The following ACTR3C variants were observed in gnomAD, a reference collection of about 807,000 sequenced individuals.
ACTR3C encodes actin-related protein 3C.
In ACTR3C, 18 loss-of-function variants were observed where a neutral mutation model predicts 26.3. That is an observed-to-expected ratio of 0.68 (90% CI 0.47 to 1.01). ACTR3C has a LOEUF of 1.01. Ranked by LOEUF, ACTR3C falls within the 50% of genes least tolerant of loss-of-function variation. The probability of loss-of-function intolerance (pLI) is 0.00; values close to 1 mark genes in which losing one functional copy is unlikely to be tolerated. For missense variants in ACTR3C, 184 were observed against 250.7 expected (o/e 0.73, Z 1.80); for synonymous variants, 55 against 94.5 (o/e 0.58, Z 2.42).
At chr7:150,067,789 G>A in the ACTR3C span, among the ~76,000 whole-genome samples, 1 of 147,048 alleles carries the variant, frequency 6.8e-6, no homozygotes, top group African/African-American at 2.5e-5. Flanking sequence ...ACACAACAAG[G>A]GGGTGGTGGG....
the ACTR3C span, among the ~76,000 whole-genome samples, chr7:150,207,228 T>TA: frequency 1.3e-5 from 2 of 152,210 alleles, no homozygotes; most frequent in Non-Finnish European, 2.9e-5. Context: ...CTTTCCTACC[T>TA]AAACCACACT....
At chr7:149,915,723 T>C in the ACTR3C span, among the ~76,000 whole-genome samples, 2 of 150,926 alleles carry the variant, frequency 1.3e-5, no homozygotes, top group Admixed American at 1.3e-4. Context: ...ACATTAGCTA[T>C]CAAAAATTTT....
Position 150,279,839 on chromosome 7 carries a change from A to G in ACTR3C, c.564+4914T>C, listed in dbSNP as rs183791692. ...TTCACTTTAATGACATTTAGCTTGT[A>G]GTGGTTCCCATTAGAGTTATTTCCG... On this transcript the variant is annotated intron_variant, in intron 6 of 7. Coordinates refer to ENST00000683684, the MANE Select transcript of ACTR3C (RefSeq NM_001164458.2). Among the ~76,000 whole-genome samples the G allele has an allele frequency of 1.1e-3, 164 of 152,342 alleles. 2 individuals are homozygous for G. In the East Asian group the frequency reaches 0.029, roughly 26 times the overall value.
chr7:150,091,865 G>T, the ACTR3C span, among the ~76,000 whole-genome samples: 1 of 150,552 alleles, frequency 6.6e-6, no homozygotes, highest in African/African-American at 2.4e-5. Flanking sequence ...GCGGGCGCCT[G>T]TAGTCCCAGC....
At chr7:149,892,428 C>T in the ACTR3C span, 4 of 1,570,230 alleles carry the variant, frequency 2.5e-6, no homozygotes, top group East Asian at 2.3e-5. Context: ...ACACAGATTT[C>T]TATCACTATC....
chr7:150,150,842 A>G, the ACTR3C span, among the ~76,000 whole-genome samples: 1 of 136,442 alleles, frequency 7.3e-6, no homozygotes, highest in Non-Finnish European at 1.6e-5. Flanking sequence ...ACTGTTACAA[A>G]TAGGAGAGCA....
At chr7:150,067,304 G>A in the ACTR3C span, among the ~76,000 whole-genome samples, 2 of 152,214 alleles carry the variant, frequency 1.3e-5, no homozygotes, top group Admixed American at 6.5e-5. Context: ...CAGAACGCAA[G>A]TGTCTTCTCC....
At chr7:149,926,211 A>T in the ACTR3C span, among the ~76,000 whole-genome samples, 5 of 152,236 alleles carry the variant, frequency 3.3e-5, no homozygotes, top group African/African-American at 1.2e-4. Context: ...ATGGTAAAAG[A>T]CAAATGATAA....
the ACTR3C span, among the ~76,000 whole-genome samples, chr7:150,057,800 T>C: frequency 6.6e-6 from 1 of 152,240 alleles, no homozygotes; most frequent in Non-Finnish European, 1.5e-5. Context: ...CACCCAACTC[T>C]TGGTTTCTAC....
the ACTR3C span, among the ~76,000 whole-genome samples, chr7:150,044,582 A>T: frequency 1.3e-5 from 2 of 152,144 alleles, no homozygotes; most frequent in Non-Finnish European, 2.9e-5. Context: ...CTGCATTATT[A>T]ATTCTAGCCA....
At chr7:150,259,008 G>A (rs1348170453) in intron 6 of ACTR3C, among the ~76,000 whole-genome samples, 1 of 151,616 alleles carries the variant, frequency 6.6e-6, no homozygotes, top group Non-Finnish European at 1.5e-5. Context: ...AAGATGATTA[G>A]AAATAATTCA....
At chr7:149,967,718 C>G in the ACTR3C span, among the ~76,000 whole-genome samples, 1 of 152,208 alleles carries the variant, frequency 6.6e-6, no homozygotes, top group Non-Finnish European at 1.5e-5. Flanking sequence ...GTTGGTGACA[C>G]TAGCCACAAT....
the ACTR3C span, among the ~76,000 whole-genome samples, chr7:150,230,340 C>T: frequency 2.0e-5 from 3 of 152,162 alleles, no homozygotes; most frequent in African/African-American, 7.2e-5. Flanking sequence ...TACAAATACA[C>T]CTGTCAAGAT....
chr7:149,890,789 TG>T, the ACTR3C span: 2 of 175,984 alleles, frequency 1.1e-5, no homozygotes, highest in Non-Finnish European at 2.4e-5. Context: ...GGAAGGTTTC[TG>T]GGAAAGGGTC....
the ACTR3C span, among the ~76,000 whole-genome samples, chr7:150,210,378 C>T: frequency 2.0e-5 from 3 of 150,476 alleles, no homozygotes; most frequent in Non-Finnish European, 2.9e-5. Flanking sequence ...GGTATTTACC[C>T]TACCTAAGTG....
At chr7:150,299,372 G>C (rs1795214968) in intron 1 of ACTR3C, among the ~76,000 whole-genome samples, 1 of 143,076 alleles carries the variant, frequency 7.0e-6, no homozygotes, top group South Asian at 2.3e-4. Context: ...GATCACTCCA[G>C]CCCAGGAGGT....
the ACTR3C span, among the ~76,000 whole-genome samples, chr7:149,995,409 CAG>C: frequency 1.3e-5 from 2 of 152,146 alleles, no homozygotes; most frequent in Non-Finnish European, 2.9e-5. Context: ...GAGAGGAGGA[CAG>C]GGGAAGGGAT....
the ACTR3C span, among the ~76,000 whole-genome samples, chr7:150,042,188 T>TC: frequency 8.8e-4 from 11 of 12,538 alleles, no homozygotes; most frequent in African/African-American, 5.7e-3. Context: ...GGGGGGTGCC[T>TC]CCCCCCCCCT....
chr7:150,242,115 C>A (rs1429802401), downstream of ACTR3C, among the ~76,000 whole-genome samples: 1 of 151,764 alleles, frequency 6.6e-6, no homozygotes, highest in Non-Finnish European at 1.5e-5. Flanking sequence ...ACTCAGGAGG[C>A]TGAGGCAGGA....
Sources: gnomAD v4.1 joint callset for allele counts (sites outside exome capture counted in the v4.1 genomes callset) on GRCh38, gnomAD v4.1.1 for gene constraint, MANE v1.5 for transcripts, NCBI Gene and HGNC (gene_info 2026-07-23, HGNC 2026-07-21) for gene names.